BEND7: variants seen among roughly 807,000 people sequenced by gnomAD.
BEND7 encodes the protein BEN domain-containing protein 7.
In BEND7, 28 loss-of-function variants were observed where a neutral mutation model predicts 50.9. The ratio of observed to expected loss-of-function variants is 0.55; its 90% CI spans 0.41 to 0.75. The LOEUF (loss-of-function observed/expected upper bound fraction) is 0.75, where lower values mean the gene tolerates loss of function less well. Among genes scored for constraint, BEND7 ranks in the 30% least tolerant of loss-of-function variants. BEND7 has a pLI of 0.00. For missense variants in BEND7, 477 were observed against 491.3 expected, an observed-to-expected ratio of 0.97 and a Z score of 0.28; for synonymous variants, 170 against 183.9, an observed-to-expected ratio of 0.92 and a Z score of 0.61.
chr10:13,445,994 G>A (rs1240932676), intron 8 of BEND7: 1 of 152,200 alleles, frequency 6.6e-6, no homozygotes, highest in African/African-American at 2.4e-5. Flanking sequence ...TGATATGCGT[G>A]CCCTGATATT....
intron 7 of BEND7, among the ~76,000 whole-genome samples, chr10:13,449,638 C>T (rs1253123128): frequency 6.6e-6 from 1 of 152,156 alleles, no homozygotes; most frequent in African/African-American, 2.4e-5. Flanking sequence ...ACTTTCTTTA[C>T]ATGTATAATT....
chr10:13,528,468 C>T lies in BEND7; in HGVS notation c.61+5G>A, dbSNP rs1454219506. The T allele has an allele frequency of 2.0e-6, 2 of 1,023,206 alleles. No individual in the cohort carries two copies. The highest frequency in any genetic ancestry group is 1.7e-5 in the African/African-American group (1 of 57,222). The allele number at this position is 1,023,206 out of a possible 1,614,324, so 63.4% of individuals were successfully genotyped here. Reference sequence around the variant, plus strand: ...CCTGCCCCCGCCGCCCCGGCGGCCGCTTACCTCGGCTCACCAGTTTGAAGC... The same window carrying T: ...CCTGCCCCCGCCGCCCCGGCGGCCGTTTACCTCGGCTCACCAGTTTGAAGC... On this transcript the variant is annotated splice_donor_5th_base_variant and intron_variant, in intron 1 of 8. Transcript: ENST00000466271.
At chr10:13,442,278 T>C (rs1363116424) in intron 8 of BEND7, 1 of 153,172 alleles carries the variant, frequency 6.5e-6, no homozygotes, top group Non-Finnish European at 1.5e-5. Context: ...GCACTGGAAC[T>C]GCTAGTGGAC....
chr10:13,501,374 CAAAAAA>C (rs58905816), intron 2 of BEND7, among the ~76,000 whole-genome samples: 1 of 72,968 alleles, frequency 1.4e-5, no homozygotes, highest in South Asian at 5.0e-4. Flanking sequence ...AACTCCATCT[CAAAAAA>C]AAAAAAAAAA....
At chr10:13,503,320 A>T (rs1224045389) in intron 2 of BEND7, among the ~76,000 whole-genome samples, 1 of 152,190 alleles carries the variant, frequency 6.6e-6, no homozygotes, top group African/African-American at 2.4e-5. Flanking sequence ...AGGAAGAAAC[A>T]GTGCTGAAAG....
chr10:13,465,685 T>C (rs2074171098), intron 6 of BEND7, among the ~76,000 whole-genome samples: 1 of 152,214 alleles, frequency 6.6e-6, no homozygotes, highest in Non-Finnish European at 1.5e-5. Context: ...CTGGAGACTT[T>C]AAAAGTTAGT....
chr10:13,461,735 A>G (rs79754571), intron 6 of BEND7, among the ~76,000 whole-genome samples: 3 of 151,622 alleles, frequency 2.0e-5, no homozygotes, highest in South Asian at 2.1e-4. Flanking sequence ...TCCATCTTAA[A>G]AAAAAAAAAA....
At chr10:13,516,340 C>T (rs908555932) in intron 2 of BEND7, among the ~76,000 whole-genome samples, 2 of 152,150 alleles carry the variant, frequency 1.3e-5, no homozygotes, top group Non-Finnish European at 2.9e-5. Context: ...CTGCGAGGCC[C>T]GGGGTGGCGC....
chr10:13,504,502 TA>T (rs895401948), intron 2 of BEND7, among the ~76,000 whole-genome samples: 35 of 147,058 alleles, frequency 2.4e-4, no homozygotes, highest in Middle Eastern at 3.6e-3. Context: ...AGTTCTTTGA[TA>T]AAAAAAAAAA....
In BEND7 at chr10:13,499,837, T is replaced by G; in HGVS notation, c.389A>C (p.Gln130Pro). 1 of 1,614,092 alleles carries G rather than the reference T, an allele frequency of 6.2e-7. No homozygotes were observed. Among genetic ancestry groups the G allele is most frequent in the Non-Finnish European group, 8.5e-7 (1 of 1,179,944 alleles). Residue 130 changes from glutamine (Q) to proline (P), a missense_variant, in exon 3 of 9, where the codon CAG (glutamine) becomes CCG (proline). Physicochemically the swap from Gln to Pro is moderately conservative, Grantham distance 76. This residue lies in a region of BEND7 where 396 missense variants were observed against 384.2 expected (regional missense o/e 1.03). Coordinates refer to ENST00000466271, the MANE Select transcript of BEND7 (RefSeq NM_001369863.1). ...LPPQSGQFSG[Q>P]YGTRSRTFQS... ...GAAGGTTCTAGAACGGGTGCCATAC[T>G]GCCCTGAGAACTGTCCACTCTGGGG...
At chr10:13,457,667 A>G (rs1347810394) in intron 6 of BEND7, among the ~76,000 whole-genome samples, 2 of 152,214 alleles carry the variant, frequency 1.3e-5, no homozygotes, top group Non-Finnish European at 2.9e-5. Context: ...ACAAGGCCAA[A>G]AGACTGTCAT....
chr10:13,501,815 C>A (rs1487456140), intron 2 of BEND7, among the ~76,000 whole-genome samples: 1 of 150,056 alleles, frequency 6.7e-6, no homozygotes, highest in Non-Finnish European at 1.5e-5. Flanking sequence ...CACTGCACTT[C>A]AGCCTGGGTG....
intron 6 of BEND7, among the ~76,000 whole-genome samples, chr10:13,474,335 G>A (rs1395604931): frequency 1.3e-5 from 2 of 151,808 alleles, no homozygotes; most frequent in Admixed American, 1.3e-4. Context: ...GTTAAATTTG[G>A]GGTCGATATC....
chr10:13,450,953 T>C (rs1837539094), intron 7 of BEND7, among the ~76,000 whole-genome samples: 1 of 152,012 alleles, frequency 6.6e-6, no homozygotes, highest in South Asian at 2.1e-4. Flanking sequence ...GGCACATCCC[T>C]ACTGCATGCG....
intron 7 of BEND7, among the ~76,000 whole-genome samples, chr10:13,447,583 G>C (rs562442729): frequency 5.2e-5 from 6 of 116,484 alleles, no homozygotes; most frequent in Non-Finnish European, 9.6e-5. Flanking sequence ...TCGCTCTGTC[G>C]CCCAGGCTGG....
chr10:13,470,032 TCTGA>T (rs2074653231), intron 6 of BEND7, among the ~76,000 whole-genome samples: 2 of 152,284 alleles, frequency 1.3e-5, no homozygotes, highest in South Asian at 4.1e-4. Flanking sequence ...AGGAATGCAA[TCTGA>T]CTGACTCTGA....
At chr10:13,529,287 C>T (rs1455442243), upstream of BEND7, among the ~76,000 whole-genome samples, 1 of 151,186 alleles carries the variant, frequency 6.6e-6, no homozygotes, top group Non-Finnish European at 1.5e-5. Flanking sequence ...GGCCTCCCTC[C>T]GCCGCTTGCT....
intron 5 of BEND7, among the ~76,000 whole-genome samples, chr10:13,484,078 G>A (rs2076054203): frequency 1.3e-5 from 2 of 152,208 alleles, no homozygotes; most frequent in African/African-American, 4.8e-5. Context: ...CAAGGAACAT[G>A]AACTCACCCC....
rs1835358458 is a variant in BEND7 at position 13,441,755 on chromosome 10, A to C, written c.1235-5T>G. 1 of 1,613,992 alleles carries C rather than the reference A, an allele frequency of 6.2e-7. No individual in the cohort carries two copies. Among genetic ancestry groups the C allele is most frequent in the East Asian group, 2.2e-5 (1 of 44,892 alleles). On this transcript the variant is annotated splice_polypyrimidine_tract_variant and splice_region_variant and intron_variant, in intron 8 of 8. Coordinates refer to ENST00000466271, the MANE Select transcript of BEND7 (RefSeq NM_001369863.1). ...TTGCAGTCCTTCATCAGACCACTTGAGAAAACAAAGGGACTGTTGTCAGGA... is the reference window on the plus strand; with the variant it reads ...TTGCAGTCCTTCATCAGACCACTTGCGAAAACAAAGGGACTGTTGTCAGGA...
Sources: allele counts gnomAD v4.1 joint callset (sites outside exome capture counted in the v4.1 genomes callset), GRCh38; gene constraint gnomAD v4.1.1; regional missense constraint gnomAD v4.1.1; transcripts MANE v1.5; gene names NCBI Gene and HGNC (gene_info 2026-07-23, HGNC 2026-07-21).